The following CUX1 variants were observed in gnomAD, a reference collection of about 807,000 sequenced individuals.
CUX1 encodes the protein protein CASP.
Under a neutral mutation model 158.8 loss-of-function variants are expected in CUX1, and 31 were observed. The ratio of observed to expected loss-of-function variants is 0.20; its 90% CI spans 0.15 to 0.26. The LOEUF (loss-of-function observed/expected upper bound fraction) is 0.26, where lower values mean the gene tolerates loss of function less well. Among genes scored for constraint, CUX1 ranks in the 10% least tolerant of loss-of-function variants. The pLI is 1.00. For missense variants in CUX1, 1,589 were observed against 2,014.6 expected, an observed-to-expected ratio of 0.79 and a Z score of 4.04; for synonymous variants, 879 against 862.1, an observed-to-expected ratio of 1.02 and a Z score of -0.34.
chr7:101,958,760 A>T (rs528547086), intron 2 of CUX1, among the ~76,000 whole-genome samples: 1 of 150,378 alleles, frequency 6.6e-6, no homozygotes, highest in South Asian at 2.1e-4. Context: ...GATTACAGGC[A>T]TGAGCCACTG....
chr7:102,064,724 A>G (rs566306822), intron 3 of CUX1, among the ~76,000 whole-genome samples: 2 of 151,984 alleles, frequency 1.3e-5, no homozygotes, highest in Non-Finnish European at 2.9e-5. Flanking sequence ...TGTGTCTGGT[A>G]CTGGGGCCCT....
At chr7:101,824,110 C>T (rs533475788) in intron 1 of CUX1, among the ~76,000 whole-genome samples, 26 of 152,236 alleles carry the variant, frequency 1.7e-4, no homozygotes, top group African/African-American at 6.0e-4. Context: ...TTTTTTGAGA[C>T]GGAGTCTCAC....
chr7:101,857,233 C>G (rs1488993776), intron 1 of CUX1, among the ~76,000 whole-genome samples: 1 of 152,218 alleles, frequency 6.6e-6, no homozygotes, highest in Non-Finnish European at 1.5e-5. Flanking sequence ...ACTCTGAAAC[C>G]CGGGCACCTC....
At chr7:102,189,400 A>ATTTT (rs1794035880) in intron 11 of CUX1, among the ~76,000 whole-genome samples, 3 of 144,644 alleles carry the variant, frequency 2.1e-5, no homozygotes, top group Admixed American at 6.9e-5. Context: ...TTTTTTAAAA[A>ATTTT]AAAAAGAGGT....
intron 1 of CUX1, among the ~76,000 whole-genome samples, chr7:101,891,851 G>T (rs913978282): frequency 2.6e-5 from 4 of 152,304 alleles, no homozygotes; most frequent in Admixed American, 6.5e-5. Flanking sequence ...CAATTGGAAT[G>T]GGTATTGAAT....
chr7:102,110,466 G>C (rs1554489730), intron 6 of CUX1, among the ~76,000 whole-genome samples: 1 of 152,096 alleles, frequency 6.6e-6, no homozygotes, highest in African/African-American at 2.4e-5. Flanking sequence ...TTACGTGTTA[G>C]TTCATGTTAC....
chr7:101,994,465 G>C (rs1815558006), intron 2 of CUX1, among the ~76,000 whole-genome samples: 1 of 152,176 alleles, frequency 6.6e-6, no homozygotes. Flanking sequence ...GCCAGGTGTG[G>C]TGGCACACGC....
intron 1 of CUX1, among the ~76,000 whole-genome samples, chr7:101,857,158 G>A (rs1344459708): frequency 6.6e-6 from 1 of 152,176 alleles, no homozygotes; most frequent in Admixed American, 6.5e-5. Flanking sequence ...CGGTGTTAGC[G>A]TCACGTGGGT....
intron 7 of CUX1, 138 bp from the exon 8 acceptor site, chr7:102,115,069 G>A: frequency 1.4e-6 from 1 of 711,762 alleles, no homozygotes; most frequent in Non-Finnish European, 2.4e-6. Flanking sequence ...GGCCTCTTTT[G>A]TGTGTTTTTA....
At chr7:102,066,166 C>T (rs745646577) in intron 3 of CUX1, among the ~76,000 whole-genome samples, 2 of 152,062 alleles carry the variant, frequency 1.3e-5, no homozygotes, top group Non-Finnish European at 2.9e-5. Context: ...CTACTGTGTC[C>T]CTGTCCCAGC....
At chr7:101,891,580 G>T (rs1472707891) in intron 1 of CUX1, among the ~76,000 whole-genome samples, 4 of 152,138 alleles carry the variant, frequency 2.6e-5, no homozygotes, top group Non-Finnish European at 5.9e-5. Context: ...ACCTGCATGG[G>T]GTGCTGTGGG....
chr7:102,116,361 C>G (rs1554491793), intron 8 of CUX1, among the ~76,000 whole-genome samples: 1 of 152,144 alleles, frequency 6.6e-6, no homozygotes, highest in Admixed American at 6.6e-5. Context: ...ATGAAACTTA[C>G]AAAGACTAAA....
chr7:101,943,845 C>A (rs1808025383), intron 2 of CUX1, among the ~76,000 whole-genome samples: 1 of 151,804 alleles, frequency 6.6e-6, no homozygotes, highest in African/African-American at 2.4e-5. Flanking sequence ...AGGCCGAGTG[C>A]CATGGCTGAC....
intron 6 of CUX1, among the ~76,000 whole-genome samples, chr7:102,107,386 C>T (rs1384784107): frequency 6.6e-6 from 1 of 151,224 alleles, no homozygotes; most frequent in Non-Finnish European, 1.5e-5. Flanking sequence ...TGAAAAAATA[C>T]AAAATAAGCC....
intron 1 of CUX1, among the ~76,000 whole-genome samples, chr7:101,857,773 T>C (rs939702673): frequency 1.3e-5 from 2 of 151,576 alleles, no homozygotes; most frequent in East Asian, 1.9e-4. Context: ...GGAATTTTTT[T>C]CCCCCCTTAG....
At chr7:102,243,632 A>T (rs201032358) in intron 23 of CUX1, among the ~76,000 whole-genome samples, 5 of 130,814 alleles carry the variant, frequency 3.8e-5, no homozygotes, top group East Asian at 4.4e-4. Context: ...TCTCTACAGA[A>T]AATAATAATA....
At chr7:102,262,758 C>T (rs1286106010), downstream of CUX1, among the ~76,000 whole-genome samples, 1 of 152,154 alleles carries the variant, frequency 6.6e-6, no homozygotes, top group African/African-American at 2.4e-5. Flanking sequence ...TGTGGGAATC[C>T]CGGTGCAACT....
intron 19 of CUX1, 105 bp downstream of exon 19, chr7:102,204,661 C>T: frequency 6.8e-7 from 1 of 1,460,102 alleles, no homozygotes; most frequent in Non-Finnish European, 9.2e-7. Context: ...GAACTCCGCC[C>T]CAGGAGGTGG....
At chr7:101,824,473 C>T (rs2130945854) in intron 1 of CUX1, 1 of 152,276 alleles carries the variant, frequency 6.6e-6, no homozygotes, top group South Asian at 2.1e-4. Context: ...CCTCCTGTTT[C>T]TAGGGAAGAA....
Sources: gnomAD v4.1 joint callset for allele counts (sites outside exome capture counted in the v4.1 genomes callset) on GRCh38, gnomAD v4.1.1 for gene constraint, MANE v1.5 for transcripts, NCBI Gene and HGNC (gene_info 2026-07-23, HGNC 2026-07-21) for gene names.